The following ABCA13 variants were observed in gnomAD, a reference collection of about 807,000 sequenced individuals.
ABCA13 encodes the protein ATP binding cassette subfamily A member 13.
Under a neutral mutation model 478.7 loss-of-function variants are expected in ABCA13, and 476 were observed. That is an observed-to-expected ratio of 0.99 (90% CI 0.92 to 1.07). ABCA13 has a LOEUF of 1.07. Among genes scored for constraint, ABCA13 ranks in the 50% least tolerant of loss-of-function variants. The probability of loss-of-function intolerance (pLI) is 0.00; values close to 1 mark genes in which losing one functional copy is unlikely to be tolerated. For missense variants in ABCA13, 6,060 were observed against 5,910.6 expected, an observed-to-expected ratio of 1.03 and a Z score of -0.83; for synonymous variants, 2,252 against 2,158.9, an observed-to-expected ratio of 1.04 and a Z score of -1.20.
Position 48,615,300 on chromosome 7 carries a change from G to A in ABCA13, c.14760G>A (p.Glu4920=). 1.9e-6 allele frequency: 3 copies of A among 1,566,430 alleles called. No individual in the cohort carries two copies. The highest frequency in any genetic ancestry group is 1.8e-5 in the Admixed American group (1 of 54,650). Residue 4920 remains glutamate (E), a synonymous_variant, in exon 59 of 62, where the codon GAG becomes GAA. Transcript: ENST00000435803. ...TTCTTTACAGCATGGAGGAGTGTGA[G>A]GCTCTTTGCACAAGACTGGCCATAA... ...VLTSHSMEEC[E]ALCTRLAIMV... is the part of the protein sequence containing the mutation.
chr7:48,264,023 G>C (rs1794550108), intron 15 of ABCA13, among the ~76,000 whole-genome samples: 1 of 151,848 alleles, frequency 6.6e-6, no homozygotes, highest in Non-Finnish European at 1.5e-5. Context: ...ATTTTGTAGA[G>C]ATTTTTATAA....
chr7:48,186,072 C>T (rs988916629), intron 1 of ABCA13, among the ~76,000 whole-genome samples: 30 of 152,020 alleles, frequency 2.0e-4, no homozygotes, highest in African/African-American at 6.5e-4. Context: ...CATCTCCTTC[C>T]TTTTAACCAT....
chr7:48,515,682 C>G (rs17730353), intron 51 of ABCA13, among the ~76,000 whole-genome samples: 42,983 of 152,000 alleles, frequency 0.28, 6,669 homozygotes, highest in African/African-American at 0.41. Context: ...TGTCTCCTGG[C>G]TTGCTGGGGA....
At position 48,384,192 on chromosome 7, in the gene ABCA13, G is replaced by A. The variant is rs546963490; in HGVS notation, c.11336-3630G>A. Among the ~76,000 whole-genome samples the A allele has an allele frequency of 1.4e-4, 21 of 152,356 alleles. No homozygotes were observed. In the South Asian group the frequency reaches 3.9e-3, roughly 29 times the overall value. On this transcript the variant is annotated intron_variant, in intron 35 of 61. Transcript: ENST00000435803. ...TGGTTGCCTGAGAGGCCTCTGAGCC[G>A]AAGACCTGCAGCTTTGTGAGAATAA... is the stretch of plus-strand genomic sequence containing the variant.
At chr7:48,368,712 T>TATATATATATATATATAC (rs1812138994) in intron 32 of ABCA13, among the ~76,000 whole-genome samples, 1 of 129,102 alleles carries the variant, frequency 7.7e-6, no homozygotes, top group South Asian at 2.5e-4. Flanking sequence ...TATATATATA[T>TATATATATATATATATAC]ATACACATAC....
intron 40 of ABCA13, among the ~76,000 whole-genome samples, chr7:48,411,040 TTTC>T (rs1390018895): frequency 4.1e-4 from 43 of 105,328 alleles, no homozygotes; most frequent in Non-Finnish European, 6.6e-4. Flanking sequence ...TCTTTCTTTC[TTTC>T]TTTCTTTTTC....
intron 3 of ABCA13, among the ~76,000 whole-genome samples, chr7:48,205,304 TA>T (rs1784787882): frequency 6.7e-6 from 1 of 149,998 alleles, no homozygotes; most frequent in Non-Finnish European, 1.5e-5. Flanking sequence ...ATGGTGAAGG[TA>T]ATGATTTAAC....
intron 55 of ABCA13, among the ~76,000 whole-genome samples, chr7:48,579,250 A>G (rs1325510740): frequency 6.6e-6 from 1 of 152,262 alleles, no homozygotes. Context: ...AAAGACTTGT[A>G]TATGAAATAC....
intron 48 of ABCA13, among the ~76,000 whole-genome samples, chr7:48,501,738 G>A (rs570849401): frequency 2.6e-5 from 4 of 152,142 alleles, no homozygotes; most frequent in African/African-American, 9.7e-5. Flanking sequence ...AGTTCATTAC[G>A]TGAAATTTAT....
chr7:48,562,109 G>GT (rs1166823982), intron 55 of ABCA13, among the ~76,000 whole-genome samples: 2 of 137,336 alleles, frequency 1.5e-5, no homozygotes, highest in Non-Finnish European at 3.0e-5. Context: ...ATGTATGGGG[G>GT]GGGAGGTGGA....
chr7:48,180,423 T>G (rs1057082357), intron 1 of ABCA13, among the ~76,000 whole-genome samples: 2 of 152,146 alleles, frequency 1.3e-5, no homozygotes, highest in Non-Finnish European at 2.9e-5. Context: ...ATGCTGGATA[T>G]CTTTTGTTTT....
At chr7:48,455,471 C>T (rs1825561735) in intron 43 of ABCA13, among the ~76,000 whole-genome samples, 185 bp downstream of exon 43, 3 of 152,198 alleles carry the variant, frequency 2.0e-5, no homozygotes, top group Admixed American at 2.0e-4. Flanking sequence ...TGTCTCAGGG[C>T]AGGCGCTTAA....
chr7:48,356,574 ACT>A (rs776310027), intron 31 of ABCA13, among the ~76,000 whole-genome samples: 1 of 151,666 alleles, frequency 6.6e-6, no homozygotes, highest in East Asian at 1.9e-4. Flanking sequence ...AACCTGTTTA[ACT>A]CTATTTAACT....
At position 48,556,744 on chromosome 7, in the gene ABCA13, T is replaced by A. The variant is rs116750501; in HGVS notation, c.14355-23480T>A. 7.3e-3 allele frequency among the ~76,000 whole-genome samples: 1,117 copies of A among 152,108 alleles called. 10 individuals are homozygous for A. Among genetic ancestry groups the A allele is most frequent in the African/African-American group, 0.025 (1,057 of 41,558 alleles). ...GTAGGCAGCAGATCATTGAGTCTTGTACATTTTTTTTCATTTGGCCACTCT... is the reference window on the plus strand; with the variant it reads ...GTAGGCAGCAGATCATTGAGTCTTGAACATTTTTTTTCATTTGGCCACTCT... On this transcript the variant is annotated intron_variant, in intron 55 of 61. Coordinates refer to ENST00000435803, the MANE Select transcript of ABCA13 (RefSeq NM_152701.5).
intron 41 of ABCA13, among the ~76,000 whole-genome samples, chr7:48,421,600 A>G (rs750889101): frequency 2.0e-5 from 3 of 152,094 alleles, no homozygotes; most frequent in Non-Finnish European, 4.4e-5. Flanking sequence ...ACAAAACAAG[A>G]TGTTCTAGGA....
intron 54 of ABCA13, among the ~76,000 whole-genome samples, chr7:48,527,539 G>C (rs4072501): frequency 0.14 from 21,015 of 152,094 alleles, 1,796 homozygotes; most frequent in African/African-American, 0.23. Context: ...GCACATGATA[G>C]AGACAAAGTG....
intron 3 of ABCA13, among the ~76,000 whole-genome samples, chr7:48,200,619 G>A (rs1388808636): frequency 6.6e-6 from 1 of 152,138 alleles, no homozygotes; most frequent in Non-Finnish European, 1.5e-5. Flanking sequence ...CAAGTCAGAG[G>A]TATAAGAAAT....
Position 48,374,559 on chromosome 7 carries a change from T to G in ABCA13, c.11203+143T>G. On this transcript the variant is annotated intron_variant, in intron 34 of 61. Transcript: ENST00000435803. ...AGGTTTGGATATTTGCTTTCACTGTTGTATACACCTCCCACTATCTGGTAG... is the reference window on the plus strand; with the variant it reads ...AGGTTTGGATATTTGCTTTCACTGTGGTATACACCTCCCACTATCTGGTAG... 5 of 695,330 alleles carry G rather than the reference T, an allele frequency of 7.2e-6. No individual in the cohort carries two copies. The South Asian group carries it at 1.0e-4, about 14-fold the overall frequency. 43.1% of individuals were successfully genotyped at this position (695,330 alleles called of 1,614,324 possible).
At chr7:48,213,218 T>C (rs936042532) in intron 3 of ABCA13, among the ~76,000 whole-genome samples, 8 of 152,216 alleles carry the variant, frequency 5.3e-5, no homozygotes, top group Admixed American at 3.9e-4. Flanking sequence ...TTAAAATCAG[T>C]TGATTTGTTA....
Sources: gnomAD v4.1 joint callset for allele counts (sites outside exome capture counted in the v4.1 genomes callset) on GRCh38, gnomAD v4.1.1 for gene constraint, MANE v1.5 for transcripts, NCBI Gene and HGNC (gene_info 2026-07-23, HGNC 2026-07-21) for gene names.